Variants in KIR2DL1 observed in about 807,000 individuals in gnomAD.
KIR2DL1 encodes killer cell immunoglobulin like receptor, two Ig domains and long cytoplasmic tail 1.
Under a neutral mutation model 33.9 loss-of-function variants are expected in KIR2DL1, and 38 were observed. The ratio of observed to expected loss-of-function variants is 1.12; its 90% CI spans 0.86 to 1.47. The LOEUF is 1.47. Among genes scored for constraint, KIR2DL1 ranks in the 40% most tolerant of loss-of-function variants. KIR2DL1 has a pLI of 0.00. For synonymous variants in KIR2DL1, 179 were observed against 165.9 expected (o/e 1.08, Z -0.61); for missense variants, 531 against 433.9 (o/e 1.22, Z -1.99).
Position 54,777,488 on chromosome 19 carries a change from G to A in KIR2DL1, c.665-1124G>A, listed in dbSNP as rs571505831. On this transcript the variant is annotated intron_variant, in intron 4 of 7. Transcript: ENST00000336077. ...TACTGAGCACTTTTTCGTATGTGGGGAAATTTCATGTCTTTTGCTCCTTTT... is the reference window on the plus strand; with the variant it reads ...TACTGAGCACTTTTTCGTATGTGGGAAAATTTCATGTCTTTTGCTCCTTTT... 6.7e-5 allele frequency among the ~76,000 whole-genome samples: 10 copies of A among 149,732 alleles called. No homozygotes were observed. The East Asian group carries it at 1.9e-3, about 29-fold the overall frequency.
rs757819906 is a variant in KIR2DL1, at chr19:54,783,536, G to A, written c.868G>A (p.Glu290Lys). The part of the protein sequence containing the change: ...ESAGNRTANS[E>K]DSDEQDPQEV... ...TGCAGGAAACAGAACAGCGAATAGCGAGGTAGGTACTCCTCGGCCCGGGCT... is the reference window on the plus strand; with the variant it reads ...TGCAGGAAACAGAACAGCGAATAGCAAGGTAGGTACTCCTCGGCCCGGGCT... The change falls in exon 7 of 8, where the codon GAG becomes AAG. Residue 290 changes from glutamate to lysine, a missense_variant and splice_region_variant. Physicochemically the swap from Glu to Lys is moderately conservative, Grantham distance 56. Transcript: ENST00000336077. 9.9e-6 allele frequency: 16 copies of A among 1,613,698 alleles called. No individual in the cohort carries two copies. Among genetic ancestry groups the A allele is most frequent in the East Asian group, 2.2e-5 (1 of 44,896 alleles).
chr19:54,776,634 C>CTTTTTTTTTTTTTTTTTT (rs113294942), intron 4 of KIR2DL1, among the ~76,000 whole-genome samples: 2 of 128,314 alleles, frequency 1.6e-5, no homozygotes, highest in Non-Finnish European at 1.7e-5. Flanking sequence ...TGAAAGTTCT[C>CTTTTTTTTTTTTTTTTTT]TTTTTTTTTT....
chr19:54,783,838 G>C lies in KIR2DL1; in HGVS notation c.*25G>C, dbSNP rs528067108. 1 of 1,613,222 alleles carries C rather than the reference G, an allele frequency of 6.2e-7. No homozygotes were observed. Among genetic ancestry groups the C allele is most frequent in the African/African-American group, 1.3e-5 (1 of 74,900 alleles). On this transcript the variant is annotated 3_prime_UTR_variant, in exon 8 of 8. Coordinates refer to ENST00000336077, the MANE Select transcript of KIR2DL1 (RefSeq NM_014218.3). ...AGCACCACAGTCAGGCCTTGAGGGCGTCTTCTAGGGAGACAACAGCCCTGT... is the reference window on the plus strand; with the variant it reads ...AGCACCACAGTCAGGCCTTGAGGGCCTCTTCTAGGGAGACAACAGCCCTGT...
chr19:54,777,443 G>A (rs28874894), intron 4 of KIR2DL1, among the ~76,000 whole-genome samples: 17,658 of 143,216 alleles, frequency 0.12, no homozygotes, highest in South Asian at 0.19. Flanking sequence ...TTTAATTTGC[G>A]TTTCTCTGAT....
At position 54,783,543 on chromosome 19, in the gene KIR2DL1, G is replaced by T. The variant is rs781771274; in HGVS notation, c.870+5G>T. On this transcript the variant is annotated splice_donor_5th_base_variant and intron_variant, in intron 7 of 7. Transcript: ENST00000336077. The stretch of plus-strand genomic sequence containing the variant: ...AACAGAACAGCGAATAGCGAGGTAG[G>T]TACTCCTCGGCCCGGGCTCGTGGCT... 1.9e-6 allele frequency: 3 copies of T among 1,613,694 alleles called. No individual in the cohort carries two copies. The highest frequency in any genetic ancestry group is 2.5e-6 in the Non-Finnish European group (3 of 1,179,898).
At chr19:54,780,813 T>A (rs1478726237) in intron 5 of KIR2DL1, among the ~76,000 whole-genome samples, 2 of 130,156 alleles carry the variant, frequency 1.5e-5, no homozygotes, top group Non-Finnish European at 3.4e-5. Flanking sequence ...ATCCTACACA[T>A]AAATCAATAC....
chr19:54,773,020 T>C (rs1198671087), intron 2 of KIR2DL1, among the ~76,000 whole-genome samples: 1 of 148,354 alleles, frequency 6.7e-6, no homozygotes. Flanking sequence ...GTGCAGCCTA[T>C]CCTGGTTCCT....
At chr19:54,778,252 C>T (rs1452421487) in intron 4 of KIR2DL1, among the ~76,000 whole-genome samples, 10 of 149,504 alleles carry the variant, frequency 6.7e-5, no homozygotes, top group Admixed American at 4.7e-4. Flanking sequence ...GAGCAAGACT[C>T]CATCTCAAAA....
intron 2 of KIR2DL1, among the ~76,000 whole-genome samples, chr19:54,771,863 C>A (rs1186220980): frequency 1.4e-5 from 2 of 147,666 alleles, no homozygotes; most frequent in South Asian, 2.1e-4. Context: ...GTGGTCGGCA[C>A]CCAGCAACCC....
intron 5 of KIR2DL1, among the ~76,000 whole-genome samples, chr19:54,781,780 T>C (rs1444754433): frequency 6.6e-6 from 1 of 152,170 alleles, no homozygotes; most frequent in Non-Finnish European, 1.5e-5. Flanking sequence ...ATTTCGCTTT[T>C]TTTATCTTGA....
Position 54,783,554 on chromosome 19 carries a change from C to T in KIR2DL1, c.870+16C>T. The T allele has an allele frequency of 6.2e-7, 1 of 1,613,922 alleles. No individual in the cohort carries two copies. Among genetic ancestry groups the T allele is most frequent in the Non-Finnish European group, 8.5e-7 (1 of 1,179,932 alleles). ...GAATAGCGAGGTAGGTACTCCTCGG[C>T]CCGGGCTCGTGGCTACTGTTATTCC... On this transcript the variant is annotated intron_variant, in intron 7 of 7. Coordinates refer to ENST00000336077, the MANE Select transcript of KIR2DL1 (RefSeq NM_014218.3).
chr19:54,769,951 A>C, intron 1 of KIR2DL1, 67 bp downstream of exon 1: 1 of 1,539,166 alleles, frequency 6.5e-7, no homozygotes, highest in Non-Finnish European at 8.9e-7. Flanking sequence ...AGGTGGAGAT[A>C]TAGGCCTGGA....
At chr19:54,777,741 C>T (rs62122984) in intron 4 of KIR2DL1, among the ~76,000 whole-genome samples, 28,922 of 114,720 alleles carry the variant, frequency 0.25, 891 homozygotes, top group South Asian at 0.35. Flanking sequence ...AAAATGTCTT[C>T]CTTCAGACAA....
chr19:54,780,656 G>A (rs2076836138), intron 5 of KIR2DL1, among the ~76,000 whole-genome samples: 1 of 143,322 alleles, frequency 7.0e-6, no homozygotes, highest in South Asian at 2.4e-4. Flanking sequence ...CTGGTGAAAT[G>A]TGGTGCTGAT....
At chr19:54,781,737 C>G (rs1264330233) in intron 5 of KIR2DL1, among the ~76,000 whole-genome samples, 10 of 152,116 alleles carry the variant, frequency 6.6e-5, no homozygotes, top group Admixed American at 2.6e-4. Flanking sequence ...GGCTTCAACA[C>G]TATTTCCTGG....
intron 5 of KIR2DL1, among the ~76,000 whole-genome samples, chr19:54,780,819 A>G (rs1181128319): frequency 7.8e-6 from 1 of 128,922 alleles, no homozygotes; most frequent in Admixed American, 8.3e-5. Flanking sequence ...CACATAAATC[A>G]ATACCTGGCA....
chr19:54,773,200 A>T, intron 2 of KIR2DL1, 133 bp from the exon 3 acceptor site: 1 of 1,122,582 alleles, frequency 8.9e-7, no homozygotes. Context: ...TTATGGGCAC[A>T]GAAAAGAACA....
intron 4 of KIR2DL1, among the ~76,000 whole-genome samples, chr19:54,777,772 A>G (rs1204920278): frequency 6.8e-6 from 1 of 147,408 alleles, no homozygotes; most frequent in African/African-American, 2.5e-5. Flanking sequence ...GCATTTCCCC[A>G]ATATTTTGTT....
rs2075979138 is a variant in KIR2DL1 at position 54,773,410 on chromosome 19, T to C, written c.148T>C (p.Trp50Arg). ...KSEETVILQC[W>R]SDVMFEHFLL... ...AGAAGAGACAGTCATCCTGCAGTGT[T>C]GGTCAGATGTCATGTTTGAACACTT... The change falls in exon 3 of 8, where the codon TGG (tryptophan) becomes CGG (arginine). Residue 50 changes from tryptophan to arginine, a missense_variant. Transcript: ENST00000336077. The C allele has an allele frequency of 6.3e-7, 1 of 1,592,838 alleles. No homozygotes were observed.
Sources: gnomAD v4.1 joint callset for allele counts (sites outside exome capture counted in the v4.1 genomes callset) on GRCh38, gnomAD v4.1.1 for gene constraint, MANE v1.5 for transcripts, NCBI Gene and HGNC (gene_info 2026-07-23, HGNC 2026-07-21) for gene names.